SND1: variants seen among roughly 807,000 people sequenced by gnomAD.
The protein encoded by SND1 is staphylococcal nuclease domain-containing protein 1.
A neutral mutation model predicts 121.7 loss-of-function variants in SND1; 38 were observed. That is an observed-to-expected ratio of 0.31 (90% confidence interval 0.24 to 0.41). SND1 has a LOEUF of 0.41. Ranked by LOEUF, SND1 falls within the 10% of genes least tolerant of loss-of-function variation. The pLI, the probability that SND1 is intolerant of heterozygous loss-of-function variation, is 1.00. For synonymous variants in SND1, 401 were observed against 447.4 expected, an observed-to-expected ratio of 0.90 and a Z score of 1.31; for missense variants, 868 against 1,184.6, an observed-to-expected ratio of 0.73 and a Z score of 3.92.
At chr7:127,885,400 GGAGAAATCTATAATTA>G (rs960453859) in intron 12 of SND1, among the ~76,000 whole-genome samples, 3 of 152,108 alleles carry the variant, frequency 2.0e-5, no homozygotes, top group Admixed American at 6.6e-5. Flanking sequence ...TGTTCCTCCA[GGAGAAATCTATAATTA>G]GGGGATAAGA....
At chr7:128,008,249 C>G (rs990073985) in intron 16 of SND1, 2 of 152,172 alleles carry the variant, frequency 1.3e-5, no homozygotes, top group African/African-American at 4.8e-5. Context: ...AAGGAAACTC[C>G]TCCTAGACAG....
Position 127,997,001 on chromosome 7 carries a change from G to A in SND1, c.1779+5945G>A, listed in dbSNP as rs115352542. 5.3e-3 allele frequency among the ~76,000 whole-genome samples: 807 copies of A among 152,234 alleles called. 5 individuals carry two copies. Among genetic ancestry groups the A allele is most frequent in the African/African-American group, 0.018 (752 of 41,544 alleles). On this transcript the variant is annotated intron_variant, in intron 16 of 23. Transcript: ENST00000354725. ...TAAGAAAAACTCCTGTCTTAATAGC[G>A]ATCAAACCTTAATTTTATATAGCAT...
At chr7:127,925,874 C>T (rs531780151) in intron 14 of SND1, among the ~76,000 whole-genome samples, 15 of 151,200 alleles carry the variant, frequency 9.9e-5, no homozygotes, top group African/African-American at 3.4e-4. Context: ...GGATTACAGC[C>T]GTGAGCCATC....
chr7:128,056,487 C>T (rs772238016), intron 16 of SND1, among the ~76,000 whole-genome samples: 1 of 152,204 alleles, frequency 6.6e-6, no homozygotes, highest in Non-Finnish European at 1.5e-5. Context: ...AGATAAGTAC[C>T]AGTGATTGGC....
chr7:127,964,452 C>T (rs1371062263), intron 15 of SND1, among the ~76,000 whole-genome samples: 3 of 149,646 alleles, frequency 2.0e-5, no homozygotes, highest in South Asian at 2.2e-4. Flanking sequence ...GGAAGGGATC[C>T]AGTTTCAGCT....
rs762826796 is a variant in SND1, at chr7:127,702,452, C to T, written c.607C>T (p.Arg203Trp). 2 of 1,613,984 alleles carry T rather than the reference C, an allele frequency of 1.2e-6. No homozygotes were observed. The highest frequency in any genetic ancestry group is 1.7e-6 in the Non-Finnish European group (2 of 1,179,904). The change falls in exon 6 of 24, where the codon CGG becomes TGG. Residue 203 changes from arginine to tryptophan, a missense_variant. Physicochemically the swap from Arg to Trp is moderately radical, Grantham distance 101 (BLOSUM62 -3). Transcript: ENST00000354725. ...TCACACAGCTATCATCGAGCATGTG[C>T]GGGACGGCAGTGTGGTCAGGGCCCT... ...KPVNAIIEHV[R>W]DGSVVRALLL...
intron 16 of SND1, chr7:128,032,203 A>G (rs1584751750): frequency 6.6e-6 from 1 of 151,192 alleles, no homozygotes; most frequent in African/African-American, 2.4e-5. Context: ...TCGCGGGGTT[A>G]ACGCCGGCGC....
intron 16 of SND1, among the ~76,000 whole-genome samples, chr7:128,067,702 C>T (rs1793340313): frequency 6.6e-6 from 1 of 152,190 alleles, no homozygotes; most frequent in South Asian, 2.1e-4. Context: ...ATTTTCTGTA[C>T]TGCCTCAGGC....
chr7:127,785,690 A>G (rs1797800316), intron 10 of SND1, among the ~76,000 whole-genome samples: 1 of 152,218 alleles, frequency 6.6e-6, no homozygotes, highest in African/African-American at 2.4e-5. Context: ...ATGCTTTCTC[A>G]TAGTTATTCA....
chr7:127,920,108 C>G (rs184551437), intron 14 of SND1, among the ~76,000 whole-genome samples: 25 of 152,114 alleles, frequency 1.6e-4, no homozygotes, highest in African/African-American at 5.1e-4. Flanking sequence ...CATTACTATA[C>G]TGATGAATAA....
At chr7:127,760,750 C>T (rs1797291023) in intron 10 of SND1, among the ~76,000 whole-genome samples, 2 of 152,174 alleles carry the variant, frequency 1.3e-5, no homozygotes, top group Non-Finnish European at 2.9e-5. Flanking sequence ...ATCTTTATAT[C>T]CAGTAGCCCT....
chr7:128,056,407 T>C (rs1179713992), intron 16 of SND1, among the ~76,000 whole-genome samples: 2 of 152,242 alleles, frequency 1.3e-5, no homozygotes, highest in Non-Finnish European at 1.5e-5. Context: ...AAAAGGGCCT[T>C]GTTTCTCTGA....
chr7:127,801,276 A>G (rs1353126813), intron 10 of SND1, among the ~76,000 whole-genome samples: 2 of 152,222 alleles, frequency 1.3e-5, no homozygotes, highest in Admixed American at 6.5e-5. Flanking sequence ...ATATTTGCCA[A>G]TATGTTGGAG....
chr7:127,683,096 A>G (rs1795755397), intron 1 of SND1, among the ~76,000 whole-genome samples: 1 of 152,322 alleles, frequency 6.6e-6, no homozygotes, highest in East Asian at 1.9e-4. Flanking sequence ...GGCCATTACA[A>G]TGTTTTCATT....
chr7:127,776,701 A>G (rs1325239779), intron 10 of SND1, among the ~76,000 whole-genome samples: 1 of 152,186 alleles, frequency 6.6e-6, no homozygotes, highest in Non-Finnish European at 1.5e-5. Flanking sequence ...GTGTGATTCC[A>G]GTTACTGTGT....
chr7:127,727,566 C>A (rs1191117578), intron 10 of SND1, among the ~76,000 whole-genome samples: 1 of 152,080 alleles, frequency 6.6e-6, no homozygotes, highest in Non-Finnish European at 1.5e-5. Context: ...TCACTGTGAT[C>A]TCCTGCTTGT....
intron 16 of SND1, among the ~76,000 whole-genome samples, chr7:128,006,297 A>ATT (rs1242705255): frequency 6.6e-6 from 1 of 151,866 alleles, no homozygotes; most frequent in Non-Finnish European, 1.5e-5. Context: ...TTCACTTGGA[A>ATT]AAGGTAATGG....
intron 10 of SND1, among the ~76,000 whole-genome samples, chr7:127,724,258 A>AGTTT (rs1283572480): frequency 6.6e-6 from 1 of 152,216 alleles, no homozygotes; most frequent in Non-Finnish European, 1.5e-5. Flanking sequence ...GAGAGTGCAT[A>AGTTT]GTTTGGGAAG....
intron 11 of SND1, among the ~76,000 whole-genome samples, chr7:127,810,863 T>C (rs1254731075): frequency 6.6e-6 from 1 of 152,224 alleles, no homozygotes; most frequent in Non-Finnish European, 1.5e-5. Context: ...TGTCCCTTAA[T>C]TGCAGAATTT....
Sources: gnomAD v4.1 joint callset for allele counts (sites outside exome capture counted in the v4.1 genomes callset) on GRCh38, gnomAD v4.1.1 for gene constraint, MANE v1.5 for transcripts, NCBI Gene and HGNC (gene_info 2026-07-23, HGNC 2026-07-21) for gene names.